Variants in NUP205 observed in about 807,000 individuals in gnomAD.
NUP205 encodes nucleoporin 205.
NUP205 carries 76 observed loss-of-function variants against 253.8 expected under a neutral mutation model. That is an observed-to-expected ratio of 0.30 (90% CI 0.25 to 0.36). The LOEUF (loss-of-function observed/expected upper bound fraction) is 0.36. Ranked by LOEUF, NUP205 falls within the 10% of genes least tolerant of loss-of-function variation. The pLI, the probability that NUP205 is intolerant of heterozygous loss-of-function variation, is 1.00. For synonymous variants in NUP205, 832 were observed against 850.1 expected (o/e 0.98, Z 0.37); for missense variants, 2,162 against 2,425.5 (o/e 0.89, Z 2.28).
chr7:135,589,452 C>A (rs946414814), intron 10 of NUP205, among the ~76,000 whole-genome samples: 2 of 150,868 alleles, frequency 1.3e-5, no homozygotes, highest in African/African-American at 4.9e-5. Flanking sequence ...CCACGCCAGG[C>A]TAATTTTGTA....
chr7:135,584,771 T>C (rs547426923), intron 7 of NUP205, 61 bp from the exon 8 acceptor site: 67 of 1,415,474 alleles, frequency 4.7e-5, no homozygotes, highest in African/African-American at 4.1e-4. Context: ...TTATGAGATA[T>C]AATTACAATC....
In NUP205 at chr7:135,606,181, T is replaced by C; in HGVS notation, c.2860T>C (p.Cys954Arg). The C allele has an allele frequency of 6.2e-7, 1 of 1,613,006 alleles. No homozygotes were observed. Residue 954 changes from cysteine (C) to arginine (R), a missense_variant, in exon 20 of 43, where the codon TGT becomes CGT. By Grantham distance (180) the Cys-to-Arg change is radical. Transcript: ENST00000285968. ...SQKLMAGFVE[C>R]LDCEDAEEFV... is the part of the protein sequence containing the mutation. ...GAAACTAATGGCTGGATTTGTGGAGTGTTTGGATTGTGAAGATGCAGAAGA... is the reference window on the plus strand; with the variant it reads ...GAAACTAATGGCTGGATTTGTGGAGCGTTTGGATTGTGAAGATGCAGAAGA...
At chr7:135,563,841 C>T (rs368283160) in intron 1 of NUP205, among the ~76,000 whole-genome samples, 36 of 151,972 alleles carry the variant, frequency 2.4e-4, no homozygotes, top group African/African-American at 8.5e-4. Context: ...AAAAATTAGC[C>T]AGGTCTGGTG....
At chr7:135,629,505 C>G (rs868637758) in intron 34 of NUP205, among the ~76,000 whole-genome samples, 1 of 136,614 alleles carries the variant, frequency 7.3e-6, no homozygotes, top group African/African-American at 2.8e-5. Flanking sequence ...CTCTCTCTCT[C>G]TCTCTGTCTC....
chr7:135,603,994 CTG>C (rs1385284794), intron 18 of NUP205, among the ~76,000 whole-genome samples: 1 of 152,224 alleles, frequency 6.6e-6, no homozygotes, highest in African/African-American at 2.4e-5. Context: ...GGCAGTTTCC[CTG>C]TGTGTGTGTT....
chr7:135,597,365 A>G lies in NUP205; in HGVS notation c.2014-3A>G. 6.2e-7 allele frequency: 1 copy of G among 1,606,536 alleles called. No homozygotes were observed. The highest frequency in any genetic ancestry group is 2.2e-5 in the East Asian group (1 of 44,820). On this transcript the variant is annotated splice_region_variant and splice_polypyrimidine_tract_variant and intron_variant, in intron 13 of 42. Coordinates refer to ENST00000285968, the MANE Select transcript of NUP205 (RefSeq NM_015135.3). ...CCTGACATCTACTTCTTACTATTTTAAGATACTGCAGACCGTGAGGATTCC... is the reference window on the plus strand; with the variant it reads ...CCTGACATCTACTTCTTACTATTTTGAGATACTGCAGACCGTGAGGATTCC...
Position 135,584,885 on chromosome 7 carries a change from GACA to G in NUP205, c.1099_1101del (p.Asn367del), listed in dbSNP as rs760407452. 1 of 1,614,048 alleles carries G rather than the reference GACA, an allele frequency of 6.2e-7. No individual in the cohort carries two copies. The highest frequency in any genetic ancestry group is 1.1e-5 in the South Asian group (1 of 91,080). ...AGCAATGGCAGAACTCGCAATTGCT[GACA>G]ACGTTTTCCTGTTCCTCATGGAATC... On this transcript the variant is annotated inframe_deletion, in exon 8 of 43. Coordinates refer to ENST00000285968, the MANE Select transcript of NUP205 (RefSeq NM_015135.3).
At chr7:135,613,332 A>T (rs1480611588) in intron 22 of NUP205, among the ~76,000 whole-genome samples, 2 of 151,584 alleles carry the variant, frequency 1.3e-5, no homozygotes, top group Non-Finnish European at 2.9e-5. Context: ...TATATTTAAT[A>T]TAAGAACTTT....
intron 11 of NUP205, among the ~76,000 whole-genome samples, chr7:135,592,229 T>C (rs1584657936): frequency 6.6e-6 from 1 of 152,198 alleles, no homozygotes. Context: ...CAGTCTTGTG[T>C]GCTATGCTTT....
At chr7:135,618,884 C>T (rs1794416154) in intron 28 of NUP205, among the ~76,000 whole-genome samples, 1 of 152,022 alleles carries the variant, frequency 6.6e-6, no homozygotes, top group Non-Finnish European at 1.5e-5. Flanking sequence ...ATGTGAATTT[C>T]AAAAAGAAAA....
At chr7:135,589,971 T>A (rs902158071) in intron 10 of NUP205, among the ~76,000 whole-genome samples, 1 of 151,410 alleles carries the variant, frequency 6.6e-6, no homozygotes, top group South Asian at 2.1e-4. Context: ...TTAAAGTTTT[T>A]AAGAAAGCTA....
At chr7:135,638,809 A>T (rs914689099) in intron 38 of NUP205, 126 bp downstream of exon 38, 1 of 988,948 alleles carries the variant, frequency 1.0e-6, no homozygotes, top group African/African-American at 1.6e-5. Context: ...AACATTTTAA[A>T]TAAGTTTTAA....
At chr7:135,587,055 GTTTTTT>G (rs541860736) in intron 8 of NUP205, among the ~76,000 whole-genome samples, 1 of 141,380 alleles carries the variant, frequency 7.1e-6, no homozygotes, top group African/African-American at 2.6e-5. Flanking sequence ...GTCTAGCTAT[GTTTTTT>G]TTTTTTTTAA....
chr7:135,636,728 G>A (rs891484996), intron 36 of NUP205, among the ~76,000 whole-genome samples: 6 of 152,136 alleles, frequency 3.9e-5, no homozygotes, highest in Non-Finnish European at 8.8e-5. Context: ...TACAGTGGCC[G>A]GGTGGGATGG....
chr7:135,617,547 C>G, intron 26 of NUP205, 55 bp from the exon 27 acceptor site: 1 of 1,321,222 alleles, frequency 7.6e-7, no homozygotes, highest in Non-Finnish European at 1.1e-6. Flanking sequence ...CTAGGTGTTA[C>G]TGTTCTACCA....
intron 34 of NUP205, among the ~76,000 whole-genome samples, chr7:135,628,808 G>T (rs1377193006): frequency 2.6e-5 from 4 of 152,088 alleles, no homozygotes; most frequent in Non-Finnish European, 5.9e-5. Context: ...TCTACCATCA[G>T]GCCTTAGGCC....
At position 135,577,930 on chromosome 7, in the gene NUP205, T is replaced by C. The variant is rs1273945240; in HGVS notation, c.783T>C (p.Asn261=). 6.2e-7 allele frequency: 1 copy of C among 1,613,998 alleles called. No individual in the cohort carries two copies. The highest frequency in any genetic ancestry group is 8.5e-7 in the Non-Finnish European group (1 of 1,179,868). The part of the protein sequence containing the change: ...GHLERVTVEA[N]GSLDAVNLAL... ...TGGAAAGAGTGACAGTTGAGGCTAA[T>C]GGCTCACTGGATGCAGTGAATCTGG... Residue 261 remains asparagine, a synonymous_variant, in exon 6 of 43, where the codon AAT becomes AAC. Transcript: ENST00000285968.
rs558850993 is a variant in NUP205, at chr7:135,578,851, A to C, written c.978A>C (p.Gln326His). 13 of 1,612,270 alleles carry C rather than the reference A, an allele frequency of 8.1e-6. No individual in the cohort carries two copies. In the South Asian group the frequency reaches 1.1e-4, roughly 14 times the overall value. The part of the protein sequence containing the change: ...DSQLWKLPGL[Q>H]ATVRLAWALA... ...AGCTTTGGAAACTGCCTGGGCTCCA[A>C]GCCACTGTTAGACTTGCCTGGGCGC... Residue 326 changes from glutamine (Q) to histidine (H), a missense_variant, in exon 7 of 43, where the codon CAA (glutamine) becomes CAC (histidine). Gln to His is a conservative substitution (Grantham distance 24, BLOSUM62 0). This residue lies in a region of NUP205 where 892 missense variants were observed against 957.1 expected (regional missense o/e 0.93). Transcript: ENST00000285968.
chr7:135,615,927 T>G lies in NUP205; in HGVS notation c.3322T>G (p.Ser1108Ala). 6.2e-7 allele frequency: 1 copy of G among 1,609,538 alleles called. No individual in the cohort carries two copies. Among genetic ancestry groups the G allele is most frequent in the Non-Finnish European group, 8.5e-7 (1 of 1,178,044 alleles). Reference protein sequence around the residue: ...LPFSNKEYEISMLNQMSWLMK... With the variant: ...LPFSNKEYEIAMLNQMSWLMK... ...TGTTTAAATTCTAGAATATGAAATATCTATGCTGAACCAGATGTCATGGCT... is the reference window on the plus strand; with the variant it reads ...TGTTTAAATTCTAGAATATGAAATAGCTATGCTGAACCAGATGTCATGGCT... Residue 1108 changes from serine (S) to alanine (A), a missense_variant, in exon 24 of 43, where the codon TCT (serine) becomes GCT (alanine). By Grantham distance (99) the Ser-to-Ala change is moderately conservative. Around this residue, in one of 5 missense-constraint regions of NUP205, gnomAD observed 1,144 missense variants for 1,280.9 expected, o/e 0.89. Transcript: ENST00000285968.
Sources: gnomAD v4.1 joint callset for allele counts (sites outside exome capture counted in the v4.1 genomes callset) on GRCh38, gnomAD v4.1.1 for gene constraint, gnomAD v4.1.1 regional missense constraint, MANE v1.5 for transcripts, NCBI Gene and HGNC (gene_info 2026-07-23, HGNC 2026-07-21) for gene names.